GDNF: variants seen among roughly 807,000 people sequenced by gnomAD.
The protein encoded by GDNF is glial cell line-derived neurotrophic factor.
GDNF carries 5 observed loss-of-function variants against 13.7 expected under a neutral mutation model. That is an observed-to-expected ratio of 0.36 (90% CI 0.19 to 0.77). GDNF has a LOEUF of 0.77. GDNF is among the 30% of genes least tolerant of loss of function. GDNF has a pLI of 0.51. For missense variants in GDNF, 246 were observed against 274.3 expected, an observed-to-expected ratio of 0.90 and a Z score of 0.73; for synonymous variants, 122 against 112.5, an observed-to-expected ratio of 1.08 and a Z score of -0.53.
intron 1 of GDNF, chr5:37,835,514 A>C: frequency 6.7e-7 from 1 of 1,493,440 alleles, no homozygotes; most frequent in Non-Finnish European, 9.1e-7. Flanking sequence ...TAAGTTACTT[A>C]ACTTCCCAAA....
intron 2 of GDNF, among the ~76,000 whole-genome samples, chr5:37,825,503 T>C (rs1039782302): frequency 6.6e-6 from 1 of 152,082 alleles, no homozygotes; most frequent in Non-Finnish European, 1.5e-5. Flanking sequence ...CACCACAAGC[T>C]AATGAGCACA....
rs911723891 is a variant in GDNF, at chr5:37,839,078, T to C, written c.-27+429A>G. ...TTGGCACAGATCAAAACAAGCTCAA[T>C]AGTAAGTTGCACTCTTGGCAATGAT... On this transcript the variant is annotated intron_variant, in intron 1 of 2. Coordinates refer to ENST00000326524, the MANE Select transcript of GDNF (RefSeq NM_000514.4). This position sits in a 1 kb window ranked among gnomAD's most constrained non-coding sequence, Gnocchi z 5.5. Among the ~76,000 whole-genome samples the C allele has an allele frequency of 6.6e-6, 1 of 152,022 alleles. No homozygotes were observed. The highest frequency in any genetic ancestry group is 1.5e-5 in the Non-Finnish European group (1 of 67,996).
chr5:37,822,729 T>C (rs1750184995), intron 2 of GDNF, among the ~76,000 whole-genome samples: 1 of 152,198 alleles, frequency 6.6e-6, no homozygotes, highest in Non-Finnish European at 1.5e-5. Context: ...TCTCGATCTA[T>C]AAACACATAC....
intron 2 of GDNF, among the ~76,000 whole-genome samples, chr5:37,829,424 T>C (rs550190907): frequency 1.3e-5 from 2 of 152,168 alleles, no homozygotes; most frequent in Admixed American, 1.3e-4. Context: ...AATAGACATA[T>C]CTATCTGACT....
rs1005970763 is a variant in GDNF at position 37,837,748 on chromosome 5, G to T, written c.-27+1759C>A. Among the ~76,000 whole-genome samples, 2 of 152,098 alleles carry T rather than the reference G, an allele frequency of 1.3e-5. No homozygotes were observed. The highest frequency in any genetic ancestry group is 2.9e-5 in the Non-Finnish European group (2 of 68,036). On this transcript the variant is annotated intron_variant, in intron 1 of 2. Coordinates refer to ENST00000326524, the MANE Select transcript of GDNF (RefSeq NM_000514.4). This position sits in a 1 kb window ranked among gnomAD's most constrained non-coding sequence, Gnocchi z 6.5. ...TTCAGGCTCCCACCCCTCCATTCTC[G>T]CTGGTTTTCCTCTCCCCACTTCACC...
chr5:37,825,254 G>C (rs1299966386), intron 2 of GDNF, among the ~76,000 whole-genome samples: 8 of 152,220 alleles, frequency 5.3e-5, no homozygotes, highest in African/African-American at 1.9e-4. Context: ...GGGAGAGACA[G>C]ACAGTAAATT....
intron 2 of GDNF, among the ~76,000 whole-genome samples, chr5:37,821,800 A>G (rs1750150595): frequency 6.6e-6 from 1 of 152,240 alleles, no homozygotes; most frequent in Non-Finnish European, 1.5e-5. Context: ...TGTAAAGTCA[A>G]CTGAGTTTTA....
At chr5:37,834,589 G>C in intron 2 of GDNF, 57 bp downstream of exon 2, 1 of 1,362,136 alleles carries the variant, frequency 7.3e-7, no homozygotes, top group East Asian at 2.7e-5. Context: ...CTGGCTGCGG[G>C]TGGGGGTGCG....
intron 2 of GDNF, among the ~76,000 whole-genome samples, chr5:37,832,143 G>A (rs1183982146): frequency 2.0e-5 from 3 of 152,244 alleles, no homozygotes; most frequent in Non-Finnish European, 2.9e-5. Flanking sequence ...TGTGAAAAGC[G>A]CAGAATGACG....
In GDNF at chr5:37,815,313, G is replaced by T. The variant is rs997471865; in HGVS notation, c.*338C>A. On this transcript the variant is annotated 3_prime_UTR_variant, in exon 3 of 3. Coordinates refer to ENST00000326524, the MANE Select transcript of GDNF (RefSeq NM_000514.4). The surrounding 1 kb of genome is among the most constrained non-coding windows in gnomAD (Gnocchi z 5.0). ...TCCACCGCAACCGCGCCGGTAATCA[G>T]TGATGGTGGACTGTATCAGCTGAAA... is the stretch of plus-strand genomic sequence containing the variant. The T allele has an allele frequency of 1.0e-5, 4 of 392,052 alleles. No homozygotes were observed. In the Admixed American group the frequency reaches 1.6e-4, roughly 16 times the overall value. 24.3% of individuals were successfully genotyped at this position (392,052 alleles called of 1,614,324 possible).
Position 37,838,000 on chromosome 5 carries a change from T to G in GDNF, c.-27+1507A>C, listed in dbSNP as rs1750769758. Among the ~76,000 whole-genome samples, 1 of 150,972 alleles carries G rather than the reference T, an allele frequency of 6.6e-6. No individual in the cohort carries two copies. Among genetic ancestry groups the G allele is most frequent in the Admixed American group, 6.6e-5 (1 of 15,190 alleles). On this transcript the variant is annotated intron_variant, in intron 1 of 2. Transcript: ENST00000326524. This position sits in a 1 kb window ranked among gnomAD's most constrained non-coding sequence, Gnocchi z 6.5. ...CGGGTTTGCTATAAACTCGGTTTTT[T>G]TTTTTTTTTTTTTGGCGGGGGGAGG...
intron 1 of GDNF, 26 bp from the exon 2 acceptor site, chr5:37,834,848 G>A: frequency 6.2e-7 from 1 of 1,607,820 alleles, no homozygotes; most frequent in Non-Finnish European, 8.5e-7. Context: ...GGAGGTGGGG[G>A]AGAGAACCGC....
At chr5:37,836,157 C>T (rs1419627245) in intron 1 of GDNF, among the ~76,000 whole-genome samples, 3 of 152,076 alleles carry the variant, frequency 2.0e-5, no homozygotes, top group Non-Finnish European at 2.9e-5. Flanking sequence ...TTATCCTATC[C>T]CCTCGACCGG....
intron 2 of GDNF, among the ~76,000 whole-genome samples, chr5:37,822,846 A>G (rs1750189233): frequency 6.6e-6 from 1 of 152,228 alleles, no homozygotes; most frequent in South Asian, 2.1e-4. Context: ...TCTCAAGAAG[A>G]GTCCCAATGA....
At chr5:37,835,285 C>T (rs1425450316) in intron 1 of GDNF, 1 of 433,390 alleles carries the variant, frequency 2.3e-6, no homozygotes, top group South Asian at 3.4e-5. Flanking sequence ...AGCCCTCGGC[C>T]CAAGCAAGGA....
rs916052708 is a variant in GDNF at position 37,813,651 on chromosome 5, G to C, written c.*2000C>G. The C allele has an allele frequency of 1.4e-5, 2 of 142,100 alleles. No homozygotes were observed. The highest frequency in any genetic ancestry group is 7.8e-5 in the Admixed American group (1 of 12,838). 8.8% of individuals were successfully genotyped at this position (142,100 alleles called of 1,614,324 possible). A position where few individuals can be genotyped will look rare whatever the true frequency, so the allele number is the denominator to read the frequency against. The stretch of plus-strand genomic sequence containing the variant: ...CATGATCACAGCTCACTGCAGCCTC[G>C]ACCTTCTGGACTCAAGTGATCCTCC... On this transcript the variant is annotated 3_prime_UTR_variant, in exon 3 of 3. Transcript: ENST00000326524.
intron 2 of GDNF, among the ~76,000 whole-genome samples, chr5:37,832,561 T>C (rs1750558184): frequency 6.6e-6 from 1 of 152,156 alleles, no homozygotes; most frequent in South Asian, 2.1e-4. Context: ...GTTTTGCTGT[T>C]CAAATGTAAA....
chr5:37,824,683 T>C (rs1750245601), intron 2 of GDNF, among the ~76,000 whole-genome samples: 1 of 152,228 alleles, frequency 6.6e-6, no homozygotes, highest in South Asian at 2.1e-4. Flanking sequence ...TCTTACATTA[T>C]GTAATGACCT....
chr5:37,826,807 C>A (rs1750333849), intron 2 of GDNF, among the ~76,000 whole-genome samples: 1 of 152,176 alleles, frequency 6.6e-6, no homozygotes, highest in African/African-American at 2.4e-5. Flanking sequence ...TTGCCCATGT[C>A]CCCTTTTCCA....
Sources: allele counts gnomAD v4.1 joint callset (sites outside exome capture counted in the v4.1 genomes callset), GRCh38; gene constraint gnomAD v4.1.1; non-coding constraint Gnocchi (gnomAD v3.1); transcripts MANE v1.5; gene names NCBI Gene and HGNC (gene_info 2026-07-23, HGNC 2026-07-21).